Variants in ANKS1B observed in about 807,000 individuals in gnomAD.
ANKS1B encodes ankyrin repeat and sterile alpha motif domain-containing protein 1B.
ANKS1B carries 36 observed loss-of-function variants against 148.3 expected under a neutral mutation model. The ratio of observed to expected loss-of-function variants is 0.24; its 90% CI spans 0.19 to 0.32. The LOEUF (loss-of-function observed/expected upper bound fraction) is 0.32, where lower values mean the gene tolerates loss of function less well. ANKS1B is among the 10% of genes least tolerant of loss of function. The pLI is 1.00. For missense variants in ANKS1B, 1,157 were observed against 1,542.6 expected, an observed-to-expected ratio of 0.75 and a Z score of 4.19; for synonymous variants, 542 against 560.8, an observed-to-expected ratio of 0.97 and a Z score of 0.47.
intron 9 of ANKS1B, among the ~76,000 whole-genome samples, chr12:99,623,139 A>G (rs2098074416): frequency 6.6e-6 from 1 of 152,126 alleles, no homozygotes; most frequent in Non-Finnish European, 1.5e-5. Flanking sequence ...AAACAGAATT[A>G]AAGACAAAAA....
At chr12:98,758,199 TG>T (rs1485202018) in intron 25 of ANKS1B, among the ~76,000 whole-genome samples, 1 of 152,076 alleles carries the variant, frequency 6.6e-6, no homozygotes, top group Non-Finnish European at 1.5e-5. Context: ...TAACCGTATC[TG>T]TATGCCGTAG....
chr12:99,053,354 G>C, intron 16 of ANKS1B, 45 bp from the exon 17 acceptor site: 1 of 1,439,230 alleles, frequency 6.9e-7, no homozygotes, highest in Non-Finnish European at 9.2e-7. Context: ...TATACTTTGT[G>C]TCCCAACAAC....
At chr12:98,910,408 G>T (rs2099785147) in intron 17 of ANKS1B, among the ~76,000 whole-genome samples, 1 of 152,180 alleles carries the variant, frequency 6.6e-6, no homozygotes, top group Non-Finnish European at 1.5e-5. Context: ...AAATAGGACA[G>T]GATTGCAAGG....
intron 9 of ANKS1B, among the ~76,000 whole-genome samples, chr12:99,555,739 T>C (rs1398431412): frequency 1.3e-5 from 2 of 152,202 alleles, no homozygotes; most frequent in East Asian, 3.8e-4. Flanking sequence ...GCAAATCATA[T>C]TTATTTGCGT....
At chr12:99,970,922 T>C (rs1442626370) in intron 1 of ANKS1B, among the ~76,000 whole-genome samples, 1 of 152,216 alleles carries the variant, frequency 6.6e-6, no homozygotes, top group African/African-American at 2.4e-5. Context: ...TGCTGATAGA[T>C]CTATCCCATT....
intron 3 of ANKS1B, among the ~76,000 whole-genome samples, chr12:99,809,919 T>C (rs946385726): frequency 1.3e-5 from 2 of 152,080 alleles, no homozygotes; most frequent in African/African-American, 4.8e-5. Flanking sequence ...GTAGCTGTGA[T>C]GTTACGGTCA....
At chr12:99,632,768 T>TATATATATA (rs1282777183) in intron 9 of ANKS1B, among the ~76,000 whole-genome samples, 25 of 100,416 alleles carry the variant, frequency 2.5e-4, no homozygotes, top group Admixed American at 4.5e-4. Flanking sequence ...TATATATATA[T>TATATATATA]TTTAATTATA....
chr12:99,103,203 G>C (rs2058395418), intron 15 of ANKS1B, among the ~76,000 whole-genome samples: 1 of 152,132 alleles, frequency 6.6e-6, no homozygotes, highest in Admixed American at 6.6e-5. Context: ...TCCTTGGCAT[G>C]TGACAATTCC....
chr12:99,345,005 C>T (rs1009101504), intron 12 of ANKS1B: 9 of 152,048 alleles, frequency 5.9e-5, no homozygotes, highest in Non-Finnish European at 1.3e-4. Flanking sequence ...TTTATTTTGA[C>T]ATTTGTCGGC....
intron 1 of ANKS1B, among the ~76,000 whole-genome samples, chr12:99,982,653 T>C (rs756636636): frequency 8.5e-5 from 13 of 152,202 alleles, no homozygotes; most frequent in South Asian, 2.1e-4. Flanking sequence ...AGGCAATTAT[T>C]AGAGCTGCAA....
intron 15 of ANKS1B, among the ~76,000 whole-genome samples, chr12:99,122,114 G>T (rs1049244419): frequency 1.3e-5 from 2 of 152,108 alleles, no homozygotes; most frequent in Admixed American, 1.3e-4. Flanking sequence ...GAGAAAATCA[G>T]TCTCCTTAAG....
intron 15 of ANKS1B, among the ~76,000 whole-genome samples, chr12:99,125,819 TA>T (rs941772454): frequency 1.3e-5 from 2 of 151,782 alleles, no homozygotes; most frequent in African/African-American, 2.4e-5. Context: ...GCCCTTTTCT[TA>T]AAAAAAATTA....
chr12:99,433,101 C>T (rs560288283), intron 11 of ANKS1B, among the ~76,000 whole-genome samples: 2 of 152,012 alleles, frequency 1.3e-5, no homozygotes, highest in Non-Finnish European at 2.9e-5. Context: ...GTTAGTGGCT[C>T]ATACAATAGT....
At chr12:99,674,258 T>G (rs1455268695) in intron 8 of ANKS1B, among the ~76,000 whole-genome samples, 3 of 151,800 alleles carry the variant, frequency 2.0e-5, no homozygotes, top group African/African-American at 7.2e-5. Flanking sequence ...TTTATATAAG[T>G]TATACATAAA....
At chr12:99,582,330 C>A (rs1296574857) in intron 9 of ANKS1B, among the ~76,000 whole-genome samples, 1 of 151,524 alleles carries the variant, frequency 6.6e-6, no homozygotes, top group African/African-American at 2.4e-5. Context: ...CTATGTAATC[C>A]CACATCTAGG....
At chr12:99,577,703 G>A (rs1791568901) in intron 9 of ANKS1B, among the ~76,000 whole-genome samples, 1 of 151,960 alleles carries the variant, frequency 6.6e-6, no homozygotes, top group Admixed American at 6.6e-5. Flanking sequence ...TCTATAAGGA[G>A]TTCCAAAACT....
At chr12:99,120,099 A>G (rs2062384614) in intron 15 of ANKS1B, among the ~76,000 whole-genome samples, 1 of 152,198 alleles carries the variant, frequency 6.6e-6, no homozygotes, top group South Asian at 2.1e-4. Flanking sequence ...TGGACGGGAC[A>G]CCCTCCCATC....
At chr12:99,713,533 C>T (rs566961856) in intron 8 of ANKS1B, among the ~76,000 whole-genome samples, 1 of 152,266 alleles carries the variant, frequency 6.6e-6, no homozygotes, top group Non-Finnish European at 1.5e-5. Context: ...GCTAAATCTC[C>T]ACGCTCATGG....
chr12:99,781,341 T>C (rs760984543), intron 5 of ANKS1B, among the ~76,000 whole-genome samples: 24 of 152,282 alleles, frequency 1.6e-4, no homozygotes, highest in Middle Eastern at 3.4e-3. Flanking sequence ...AAACACACTA[T>C]AGTCCATAAC....
Sources: allele counts gnomAD v4.1 joint callset (sites outside exome capture counted in the v4.1 genomes callset), GRCh38; gene constraint gnomAD v4.1.1; transcripts MANE v1.5; gene names NCBI Gene and HGNC (gene_info 2026-07-23, HGNC 2026-07-21).